The following TXNDC8 variants were observed in gnomAD, a reference collection of about 807,000 sequenced individuals.
The protein encoded by TXNDC8 is thioredoxin domain-containing protein 8.
TXNDC8 carries 15 observed loss-of-function variants against 12.9 expected under a neutral mutation model. The ratio of observed to expected loss-of-function variants is 1.16; its 90% confidence interval spans 0.78 to 1.79. TXNDC8 has a LOEUF of 1.79. Among genes scored for constraint, TXNDC8 ranks in the 40% most tolerant of loss-of-function variants. The pLI is 0.00. For synonymous variants in TXNDC8, 40 were observed against 35.4 expected, an observed-to-expected ratio of 1.13 and a Z score of -0.46; for missense variants, 128 against 113.2, an observed-to-expected ratio of 1.13 and a Z score of -0.59.
chr9:110,321,079 T>C (rs1310734081), intron 3 of TXNDC8, among the ~76,000 whole-genome samples: 1 of 152,246 alleles, frequency 6.6e-6, no homozygotes, highest in Non-Finnish European at 1.5e-5. Context: ...TATATAGCTT[T>C]GTTTGTTTTA....
rs922351911 is a variant in TXNDC8, at chr9:110,322,485, C to T, written c.195+3690G>A. 9.1e-6 allele frequency: 9 copies of T among 985,250 alleles called. No individual in the cohort carries two copies. The African/African-American group carries it at 1.0e-4, about 11-fold the overall frequency. 61.0% of individuals were successfully genotyped at this position (985,250 alleles called of 1,614,324 possible). A position where few individuals can be genotyped will look rare whatever the true frequency, so the allele number is the denominator to read the frequency against. ...GTTAGATATAATTGTTTATAAATGT[C>T]CTCTCTCCCCAGCTTATTGAGGGCA... On this transcript the variant is annotated intron_variant, in intron 3 of 4. Transcript: ENST00000423740.
chr9:110,312,834 GT>G (rs1478938280), intron 3 of TXNDC8, among the ~76,000 whole-genome samples: 4 of 152,232 alleles, frequency 2.6e-5, no homozygotes, highest in Non-Finnish European at 1.5e-5. Context: ...CTTGCCTAAT[GT>G]TTTTCCATTT....
At chr9:110,334,611 T>C (rs753093775) in intron 1 of TXNDC8, among the ~76,000 whole-genome samples, 8 of 152,140 alleles carry the variant, frequency 5.3e-5, no homozygotes, top group Non-Finnish European at 1.2e-4. Flanking sequence ...CCACCTTAAA[T>C]GTCCCTCATG....
chr9:110,305,544 CTTT>C (rs142892470), intron 3 of TXNDC8, among the ~76,000 whole-genome samples: 4 of 138,552 alleles, frequency 2.9e-5, no homozygotes, highest in African/African-American at 1.1e-4. Context: ...CATGTATTTT[CTTT>C]TTCTTTCTTT....
chr9:110,312,882 C>G (rs1292848349), intron 3 of TXNDC8, among the ~76,000 whole-genome samples: 1 of 152,134 alleles, frequency 6.6e-6, no homozygotes, highest in African/African-American at 2.4e-5. Context: ...ATTCTAATTT[C>G]TCTTGGCTAC....
At chr9:110,332,659 A>G (rs1839589668) in intron 2 of TXNDC8, among the ~76,000 whole-genome samples, 1 of 152,224 alleles carries the variant, frequency 6.6e-6, no homozygotes. Flanking sequence ...AATGAGAAAA[A>G]GTGCCCTGAG....
intron 2 of TXNDC8, among the ~76,000 whole-genome samples, chr9:110,328,997 G>C (rs1839445777): frequency 6.6e-6 from 1 of 152,248 alleles, no homozygotes; most frequent in Admixed American, 6.5e-5. Context: ...CACAGCATAA[G>C]AGGGGAGAGG....
intron 3 of TXNDC8, among the ~76,000 whole-genome samples, chr9:110,305,993 C>A (rs544950481): frequency 6.6e-6 from 1 of 151,884 alleles, no homozygotes; most frequent in African/African-American, 2.4e-5. Flanking sequence ...CGGCTTCAAG[C>A]GATTCTCCCA....
At chr9:110,310,203 G>A (rs908806481) in intron 3 of TXNDC8, among the ~76,000 whole-genome samples, 1 of 43,484 alleles carries the variant, frequency 2.3e-5, no homozygotes, top group Non-Finnish European at 4.9e-5. Context: ...TGTGTGTGGT[G>A]TGTGTGTGTG....
chr9:110,323,112 G>C (rs1209430272), intron 3 of TXNDC8: 1 of 985,272 alleles, frequency 1.0e-6, no homozygotes, highest in African/African-American at 1.7e-5. Flanking sequence ...CATACAGGGA[G>C]CTGTGCACAA....
In TXNDC8 at chr9:110,324,105, C is replaced by T. The variant is rs1026380500; in HGVS notation, c.195+2070G>A. The T allele has an allele frequency of 3.6e-6, 5 of 1,395,178 alleles. No homozygotes were observed. In the East Asian group the frequency reaches 1.3e-4, roughly 37 times the overall value. The allele number at this position is 1,395,178 out of a possible 1,614,324, so 86.4% of individuals were successfully genotyped here. On this transcript the variant is annotated intron_variant, in intron 3 of 4. Transcript: ENST00000423740. ...GATGCTGGGTGCCAAAAAGAAGTGT[C>T]TAAACTCCAAGTTTTAAAGAGAGTA...
intron 1 of TXNDC8, among the ~76,000 whole-genome samples, 194 bp downstream of exon 1, chr9:110,337,579 T>A (rs574175591): frequency 6.6e-6 from 1 of 152,312 alleles, no homozygotes; most frequent in South Asian, 2.1e-4. Context: ...TCTTTATCAA[T>A]TTGACCCTTG....
At chr9:110,328,339 G>A (rs932850371) in intron 2 of TXNDC8, among the ~76,000 whole-genome samples, 2 of 152,134 alleles carry the variant, frequency 1.3e-5, no homozygotes, top group African/African-American at 4.8e-5. Context: ...AGGTTATGGG[G>A]TTGATTATTT....
In TXNDC8 at chr9:110,334,254, G is replaced by T; in HGVS notation, c.91C>A (p.Arg31=). The change falls in exon 2 of 5, where the codon CGG becomes AGG. Residue 31 remains arginine (R), a synonymous_variant. Transcript: ENST00000423740. ...AACATCCTTTTGCAGGGACCACACCGTTTCGAAGAAAATTGAACCACTGCG... is the reference window on the plus strand; with the variant it reads ...AACATCCTTTTGCAGGGACCACACCTTTTCGAAGAAAATTGAACCACTGCG... 6.2e-7 allele frequency: 1 copy of T among 1,613,746 alleles called. No individual in the cohort carries two copies. The highest frequency in any genetic ancestry group is 1.1e-5 in the South Asian group (1 of 91,066).
chr9:110,334,650 A>G (rs979117503), intron 1 of TXNDC8, among the ~76,000 whole-genome samples: 12 of 152,194 alleles, frequency 7.9e-5, no homozygotes, highest in African/African-American at 1.4e-4. Context: ...GTAAGTACAT[A>G]AAAATCATGG....
chr9:110,305,570 CTT>C (rs367834921), intron 3 of TXNDC8, among the ~76,000 whole-genome samples: 1 of 137,520 alleles, frequency 7.3e-6, no homozygotes, highest in Non-Finnish European at 1.5e-5. Flanking sequence ...TTCTTTCTTT[CTT>C]TCTTTCTTTC....
At chr9:110,316,818 A>G (rs1587966555) in intron 3 of TXNDC8, among the ~76,000 whole-genome samples, 2 of 152,206 alleles carry the variant, frequency 1.3e-5, no homozygotes, top group East Asian at 1.9e-4. Flanking sequence ...TTTTTTGTAA[A>G]GGATCAGATA....
chr9:110,307,143 G>A (rs952242517), intron 3 of TXNDC8, among the ~76,000 whole-genome samples: 1 of 150,598 alleles, frequency 6.6e-6, no homozygotes, highest in African/African-American at 2.4e-5. Flanking sequence ...TTGTAAAGGC[G>A]AGATCTTGCT....
At position 110,329,225 on chromosome 9, in the gene TXNDC8, T is replaced by G. The variant is rs1231044829; in HGVS notation, c.130-2985A>C. ...GAGTATGTGCACAGAAGATTTAAGATTCTTACCGGAGAATTGTTCACATCC... is the reference window on the plus strand; with the variant it reads ...GAGTATGTGCACAGAAGATTTAAGAGTCTTACCGGAGAATTGTTCACATCC... On this transcript the variant is annotated intron_variant, in intron 2 of 4. Transcript: ENST00000423740. The G allele has an allele frequency of 6.2e-7, 1 of 1,611,756 alleles. No homozygotes were observed.
Sources: gnomAD v4.1 joint callset for allele counts (sites outside exome capture counted in the v4.1 genomes callset) on GRCh38, gnomAD v4.1.1 for gene constraint, MANE v1.5 for transcripts, NCBI Gene and HGNC (gene_info 2026-07-23, HGNC 2026-07-21) for gene names.